The following PRIM2 variants were observed in gnomAD, a reference collection of about 807,000 sequenced individuals.
The protein encoded by PRIM2 is DNA primase subunit 2.
Under a neutral mutation model 67.3 loss-of-function variants are expected in PRIM2, and 39 were observed. The ratio of observed to expected loss-of-function variants is 0.58; its 90% CI spans 0.45 to 0.76. PRIM2 has a LOEUF of 0.76. Ranked by LOEUF, PRIM2 falls within the 30% of genes least tolerant of loss-of-function variation. The pLI, the probability that PRIM2 is intolerant of heterozygous loss-of-function variation, is 0.00. For synonymous variants in PRIM2, 143 were observed against 198.7 expected (o/e 0.72, Z 2.36); for missense variants, 398 against 598.7 (o/e 0.66, Z 3.50).
At chr6:57,385,588 T>G (rs1770116798) in intron 7 of PRIM2, among the ~76,000 whole-genome samples, 1 of 152,218 alleles carries the variant, frequency 6.6e-6, no homozygotes, top group Middle Eastern at 3.2e-3. Context: ...GTTTCACCAG[T>G]TTTCTCAATC....
intron 7 of PRIM2, among the ~76,000 whole-genome samples, chr6:57,447,039 T>A (rs569882066): frequency 1.4e-4 from 22 of 152,350 alleles, no homozygotes; most frequent in African/African-American, 5.0e-4. Context: ...TTTCATGAGA[T>A]GCTGGTCAGG....
chr6:57,244,501 C>CT, the PRIM2 span, among the ~76,000 whole-genome samples: 1 of 152,152 alleles, frequency 6.6e-6, no homozygotes, highest in East Asian at 1.9e-4. Context: ...TGGCTTACAC[C>CT]TGTAATCCTA....
At chr6:57,369,058 C>T (rs1424792916) in intron 5 of PRIM2, among the ~76,000 whole-genome samples, 2 of 152,164 alleles carry the variant, frequency 1.3e-5, no homozygotes, top group African/African-American at 4.8e-5. Context: ...ATTTCACTGG[C>T]CAAAGCAAGT....
At chr6:57,447,988 G>C (rs1772420054) in intron 7 of PRIM2, among the ~76,000 whole-genome samples, 1 of 152,132 alleles carries the variant, frequency 6.6e-6, no homozygotes, top group Non-Finnish European at 1.5e-5. Context: ...GTTCATTTTG[G>C]AGTGTTTATG....
At chr6:57,403,071 A>G (rs1400485619) in intron 7 of PRIM2, among the ~76,000 whole-genome samples, 6 of 152,106 alleles carry the variant, frequency 3.9e-5, no homozygotes, top group Admixed American at 2.0e-4. Flanking sequence ...GCTATTGGCA[A>G]TATTCATGGA....
At chr6:57,491,381 G>C (rs1221858744) in intron 7 of PRIM2, among the ~76,000 whole-genome samples, 1 of 152,110 alleles carries the variant, frequency 6.6e-6, no homozygotes, top group African/African-American at 2.4e-5. Flanking sequence ...CATAATAAGG[G>C]ATATATTTTC....
chr6:57,245,172 C>T, the PRIM2 span, among the ~76,000 whole-genome samples: 5 of 152,184 alleles, frequency 3.3e-5, no homozygotes, highest in Admixed American at 3.3e-4. Context: ...CTATGGTGCC[C>T]AGGATGGTCC....
intron 7 of PRIM2, among the ~76,000 whole-genome samples, chr6:57,422,988 T>C (rs2127373168): frequency 6.6e-6 from 1 of 152,316 alleles, no homozygotes; most frequent in Non-Finnish European, 1.5e-5. Flanking sequence ...GTTTGTCAGG[T>C]ATTATATTTT....
intron 10 of PRIM2, among the ~76,000 whole-genome samples, chr6:57,555,091 T>C (rs1775484781): frequency 1.3e-5 from 2 of 152,140 alleles, no homozygotes; most frequent in Admixed American, 1.3e-4. Flanking sequence ...TAGAGACAAA[T>C]GGACTAAAAA....
the PRIM2 span, among the ~76,000 whole-genome samples, chr6:57,276,822 G>C: frequency 6.6e-6 from 1 of 151,434 alleles, no homozygotes; most frequent in Non-Finnish European, 1.5e-5. Context: ...CCAGGAGGTC[G>C]AGGCTGCCAT....
chr6:57,604,330 T>G (rs1776523524), intron 11 of PRIM2, among the ~76,000 whole-genome samples: 1 of 152,200 alleles, frequency 6.6e-6, no homozygotes, highest in Non-Finnish European at 1.5e-5. Context: ...TCCTGAAACT[T>G]TGCTGAAGTC....
At chr6:57,373,659 A>G (rs556903838) in intron 5 of PRIM2, among the ~76,000 whole-genome samples, 4 of 152,274 alleles carry the variant, frequency 2.6e-5, no homozygotes, top group East Asian at 1.9e-4. Context: ...TCGATTTTCT[A>G]TGTATGGCTA....
intron 7 of PRIM2, among the ~76,000 whole-genome samples, chr6:57,399,553 C>T (rs558430682): frequency 5.5e-4 from 84 of 152,234 alleles, no homozygotes; most frequent in African/African-American, 1.9e-3. Flanking sequence ...TGGATATATA[C>T]CCAGTAATGG....
the PRIM2 span, among the ~76,000 whole-genome samples, chr6:57,250,697 C>T: frequency 1.3e-5 from 2 of 152,100 alleles, no homozygotes; most frequent in Non-Finnish European, 2.9e-5. Context: ...GGAGATGGCT[C>T]AGTGGGTTCA....
At chr6:57,524,807 C>G (rs1774712031) in intron 8 of PRIM2, among the ~76,000 whole-genome samples, 1 of 151,864 alleles carries the variant, frequency 6.6e-6, no homozygotes, top group East Asian at 1.9e-4. Flanking sequence ...ACAAAAACAC[C>G]AGATTACTTT....
At chr6:57,247,062 G>A in the PRIM2 span, among the ~76,000 whole-genome samples, 3 of 152,122 alleles carry the variant, frequency 2.0e-5, no homozygotes, top group Non-Finnish European at 4.4e-5. Flanking sequence ...CACCGTGTTA[G>A]CCAGGATGGT....
intron 1 of PRIM2, 117 bp from the exon 2 acceptor site, chr6:57,318,320 A>G (rs1016627749): frequency 1.4e-5 from 14 of 994,772 alleles, no homozygotes; most frequent in South Asian, 1.8e-5. Flanking sequence ...CATTTTGTGC[A>G]TGCCCTCAAA....
chr6:57,246,031 T>G, the PRIM2 span, among the ~76,000 whole-genome samples: 1 of 152,254 alleles, frequency 6.6e-6, no homozygotes, highest in African/African-American at 2.4e-5. Flanking sequence ...CACATGCATC[T>G]CTATCCATCC....
chr6:57,354,728 A>G (rs1252606594), intron 5 of PRIM2, among the ~76,000 whole-genome samples: 1 of 152,238 alleles, frequency 6.6e-6, no homozygotes, highest in Non-Finnish European at 1.5e-5. Context: ...GTAGTTAACT[A>G]TGTACTTCCA....
Sources: gnomAD v4.1 joint callset for allele counts (sites outside exome capture counted in the v4.1 genomes callset) on GRCh38, gnomAD v4.1.1 for gene constraint, MANE v1.5 for transcripts, NCBI Gene and HGNC (gene_info 2026-07-23, HGNC 2026-07-21) for gene names.